The following PHACTR1 variants were observed in gnomAD, a reference collection of about 807,000 sequenced individuals.
PHACTR1 encodes the protein RPEL repeat containing 1.
A neutral mutation model predicts 69.2 loss-of-function variants in PHACTR1; 16 were observed. The observed-to-expected ratio is 0.23, with a 90% confidence interval of 0.16 to 0.35. The LOEUF is 0.35. Ranked by LOEUF, PHACTR1 falls within the 10% of genes least tolerant of loss-of-function variation. The probability of loss-of-function intolerance (pLI) is 1.00; values close to 1 mark genes in which losing one functional copy is unlikely to be tolerated. For synonymous variants in PHACTR1, 312 were observed against 284.5 expected, an observed-to-expected ratio of 1.10 and a Z score of -0.97; for missense variants, 510 against 734.7, an observed-to-expected ratio of 0.69 and a Z score of 3.54.
intron 5 of PHACTR1, among the ~76,000 whole-genome samples, chr6:13,073,998 G>A (rs894193133): frequency 5.3e-5 from 8 of 151,548 alleles, no homozygotes; most frequent in Admixed American, 1.3e-4. Flanking sequence ...TCAGCCTCCC[G>A]AGTAGCTGGG....
rs528512852 is a variant in PHACTR1, at chr6:12,887,495, C to T, written c.250+137705C>T. ...TCTTTCCTCCATCCTGTCACTGACC[C>T]TTATCATCTAGCAGCGTCTATCCAT... is the stretch of plus-strand genomic sequence containing the variant. On this transcript the variant is annotated intron_variant, in intron 4 of 14. Transcript: ENST00000332995. 2.0e-5 allele frequency among the ~76,000 whole-genome samples: 3 copies of T among 152,312 alleles called. No individual in the cohort carries two copies. The South Asian group carries it at 6.2e-4, about 32-fold the overall frequency.
chr6:13,074,681 G>A (rs1810135945), intron 5 of PHACTR1, among the ~76,000 whole-genome samples: 1 of 152,164 alleles, frequency 6.6e-6, no homozygotes, highest in African/African-American at 2.4e-5. Flanking sequence ...GTACAAGGTT[G>A]TTTGTTACAG....
intron 5 of PHACTR1, among the ~76,000 whole-genome samples, chr6:13,084,786 GTGGTGATAGGGATTCATTT>G (rs1812003019): frequency 6.6e-6 from 1 of 152,080 alleles, no homozygotes. Context: ...CTGGAGGAAG[GTGGTGATAGGGATTCATTT>G]TGAACTTTCT....
intron 4 of PHACTR1, chr6:12,933,700 T>A: frequency 1.2e-6 from 2 of 1,612,844 alleles, no homozygotes; most frequent in African/African-American, 2.7e-5. Context: ...TTGGGCGTCC[T>A]CTTGGGCTCG....
chr6:12,821,469 A>T (rs1324331178), intron 4 of PHACTR1, among the ~76,000 whole-genome samples: 1 of 100,878 alleles, frequency 9.9e-6, no homozygotes, highest in African/African-American at 3.9e-5. Context: ...CATCAAAAAA[A>T]AAAAAAAAAA....
chr6:12,800,199 A>G (rs567051308), intron 4 of PHACTR1, among the ~76,000 whole-genome samples: 20 of 152,330 alleles, frequency 1.3e-4, no homozygotes, highest in African/African-American at 4.6e-4. Flanking sequence ...TTTCTAGGCT[A>G]GATGTTTAGT....
chr6:12,811,806 G>T (rs1224206876), intron 4 of PHACTR1, among the ~76,000 whole-genome samples: 1 of 151,970 alleles, frequency 6.6e-6, no homozygotes, highest in Non-Finnish European at 1.5e-5. Flanking sequence ...CTTAGTAGTA[G>T]ACTTTCTGAA....
intron 4 of PHACTR1, among the ~76,000 whole-genome samples, chr6:13,013,513 G>A (rs888604610): frequency 1.3e-5 from 2 of 152,246 alleles, no homozygotes; most frequent in African/African-American, 4.8e-5. Flanking sequence ...CCGCCCTGGA[G>A]CTCTTGAGAG....
intron 5 of PHACTR1, among the ~76,000 whole-genome samples, chr6:13,071,586 GC>G (rs1269073502): frequency 2.6e-5 from 4 of 152,184 alleles, no homozygotes; most frequent in African/African-American, 4.8e-5. Context: ...AGAAGTCAGA[GC>G]GCTAATGATG....
intron 4 of PHACTR1, among the ~76,000 whole-genome samples, chr6:12,824,852 T>A (rs1002738096): frequency 6.6e-6 from 1 of 152,158 alleles, no homozygotes; most frequent in Admixed American, 6.5e-5. Context: ...GCAACCAAAG[T>A]ACTTGGGTCT....
intron 4 of PHACTR1, among the ~76,000 whole-genome samples, chr6:12,809,115 C>T (rs1485516623): frequency 6.6e-6 from 1 of 152,060 alleles, no homozygotes; most frequent in Non-Finnish European, 1.5e-5. Context: ...CTCAAACTCC[C>T]GGGGTGAAGC....
chr6:12,760,803 C>G (rs1406338743), intron 4 of PHACTR1, among the ~76,000 whole-genome samples: 2 of 152,256 alleles, frequency 1.3e-5, no homozygotes, highest in African/African-American at 4.8e-5. Context: ...CGTGAGGGTG[C>G]ACACCTGTAA....
intron 4 of PHACTR1, among the ~76,000 whole-genome samples, chr6:12,851,699 A>G (rs1299890397): frequency 6.6e-6 from 1 of 152,092 alleles, no homozygotes; most frequent in Non-Finnish European, 1.5e-5. Context: ...GGAATTTTAA[A>G]CTCTGAATTT....
At chr6:12,858,153 G>C (rs1780590329) in intron 4 of PHACTR1, among the ~76,000 whole-genome samples, 1 of 152,300 alleles carries the variant, frequency 6.6e-6, no homozygotes, top group East Asian at 1.9e-4. Flanking sequence ...TTGGCAGAAG[G>C]CTGGGAAGGC....
intron 4 of PHACTR1, among the ~76,000 whole-genome samples, chr6:12,804,898 A>C (rs183469521): frequency 1.3e-5 from 2 of 152,348 alleles, no homozygotes; most frequent in East Asian, 3.9e-4. Flanking sequence ...TACTCCAAAA[A>C]TGGACAAGAA....
rs114000935 is a variant in PHACTR1, at chr6:13,234,302, T to A, written c.1391+4109T>A. On this transcript the variant is annotated intron_variant, in intron 10 of 14. Transcript: ENST00000332995. ...ATTAGACTAGGTCATCTGATTACTG[T>A]GTGCAAAATATGTGCTTTATGATCA... Among the ~76,000 whole-genome samples, 336 of 152,352 alleles carry A rather than the reference T, an allele frequency of 2.2e-3. 1 individual carries two copies. The highest frequency in any genetic ancestry group is 7.6e-3 in the African/African-American group (315 of 41,582).
intron 4 of PHACTR1, among the ~76,000 whole-genome samples, chr6:12,750,747 G>A (rs1766523502): frequency 6.6e-6 from 1 of 152,110 alleles, no homozygotes; most frequent in South Asian, 2.1e-4. Context: ...ACTATCACTG[G>A]GAAGAAGTTG....
At position 13,196,833 on chromosome 6, in the gene PHACTR1, A is replaced by G. The variant is rs116380123; in HGVS notation, c.665-8982A>G. On this transcript the variant is annotated intron_variant, in intron 7 of 14. Transcript: ENST00000332995. The stretch of plus-strand genomic sequence containing the variant: ...TGGTGTTTTGTTGCAAGCATGGAGA[A>G]CCGCCATGGAAGTCTTTCGCAAGCC... Among the ~76,000 whole-genome samples, 679 of 152,226 alleles carry G rather than the reference A, an allele frequency of 4.5e-3. 1 individual carries two copies. The highest frequency in any genetic ancestry group is 0.015 in the African/African-American group (633 of 41,536).
chr6:12,933,690 T>C, intron 4 of PHACTR1: 1 of 1,612,870 alleles, frequency 6.2e-7, no homozygotes, highest in East Asian at 2.2e-5. Flanking sequence ...GTGCCAACTC[T>C]TGGGCGTCCT....
Sources: allele counts gnomAD v4.1 joint callset (sites outside exome capture counted in the v4.1 genomes callset), GRCh38; gene constraint gnomAD v4.1.1; transcripts MANE v1.5; gene names NCBI Gene and HGNC (gene_info 2026-07-23, HGNC 2026-07-21).